The following CACNA2D3 variants were observed in gnomAD, a reference collection of about 807,000 sequenced individuals.
CACNA2D3 encodes calcium voltage-gated channel auxiliary subunit alpha2delta 3.
A neutral mutation model predicts 160.6 loss-of-function variants in CACNA2D3; 60 were observed. The observed-to-expected ratio is 0.37, with a 90% confidence interval of 0.30 to 0.46. The LOEUF is 0.46. Ranked by LOEUF, CACNA2D3 falls within the 20% of genes least tolerant of loss-of-function variation. The probability of loss-of-function intolerance (pLI) is 1.00; values close to 1 mark genes in which losing one functional copy is unlikely to be tolerated. For missense variants in CACNA2D3, 1,205 were observed against 1,365.0 expected, an observed-to-expected ratio of 0.88 and a Z score of 1.85; for synonymous variants, 558 against 492.9, an observed-to-expected ratio of 1.13 and a Z score of -1.75.
intron 14 of CACNA2D3, among the ~76,000 whole-genome samples, chr3:54,830,868 T>A (rs1225399004): frequency 6.6e-6 from 1 of 152,092 alleles, no homozygotes; most frequent in Non-Finnish European, 1.5e-5. Flanking sequence ...TAATGGCCAC[T>A]AGATGGTGGC....
At chr3:54,374,745 G>A (rs537585746) in intron 3 of CACNA2D3, among the ~76,000 whole-genome samples, 1 of 152,182 alleles carries the variant, frequency 6.6e-6, no homozygotes, top group Admixed American at 6.5e-5. Context: ...CCATCACTCT[G>A]CCTTTTCCCT....
At chr3:54,195,439 G>T (rs888600544) in intron 2 of CACNA2D3, among the ~76,000 whole-genome samples, 1 of 152,214 alleles carries the variant, frequency 6.6e-6, no homozygotes, top group African/African-American at 2.4e-5. Flanking sequence ...GAGATGCAAT[G>T]ATAGACACAA....
chr3:55,024,482 T>TTA (rs1287568092), intron 35 of CACNA2D3, among the ~76,000 whole-genome samples: 1 of 152,144 alleles, frequency 6.6e-6, no homozygotes, highest in African/African-American at 2.4e-5. Context: ...TCATGAGGTC[T>TTA]CTGCCCTTAT....
intron 11 of CACNA2D3, among the ~76,000 whole-genome samples, chr3:54,696,604 C>T (rs1253339405): frequency 6.6e-6 from 1 of 152,026 alleles, no homozygotes; most frequent in Non-Finnish European, 1.5e-5. Flanking sequence ...TGGCACAGTT[C>T]CACTGTCCCC....
intron 11 of CACNA2D3, among the ~76,000 whole-genome samples, chr3:54,659,800 T>C (rs1032218771): frequency 5.3e-5 from 8 of 152,206 alleles, no homozygotes. Flanking sequence ...TTGTCTTCTT[T>C]AGTAAACAAC....
intron 27 of CACNA2D3, among the ~76,000 whole-genome samples, chr3:54,901,883 C>T (rs749635762): frequency 3.3e-5 from 5 of 152,176 alleles, no homozygotes; most frequent in Non-Finnish European, 4.4e-5. Flanking sequence ...AGCACCCCCT[C>T]CCCAAGTTTT....
intron 11 of CACNA2D3, among the ~76,000 whole-genome samples, chr3:54,698,476 TA>T (rs1326555519): frequency 1.3e-5 from 2 of 152,200 alleles, no homozygotes; most frequent in African/African-American, 4.8e-5. Flanking sequence ...TAGGAAAACA[TA>T]AGGCGTGTTT....
chr3:54,357,829 C>T (rs900015594), intron 3 of CACNA2D3, among the ~76,000 whole-genome samples: 5 of 152,210 alleles, frequency 3.3e-5, no homozygotes, highest in Admixed American at 1.3e-4. Context: ...AGTCTACATG[C>T]TGCATGATTC....
chr3:54,130,624 T>G (rs1868512), intron 2 of CACNA2D3, among the ~76,000 whole-genome samples: 10 of 152,072 alleles, frequency 6.6e-5, no homozygotes, highest in African/African-American at 2.2e-4. Context: ...ATTGCGAAGC[T>G]GAGGCTGGCA....
intron 27 of CACNA2D3, chr3:54,924,993 A>G: frequency 1.2e-6 from 2 of 1,613,954 alleles, no homozygotes; most frequent in East Asian, 2.2e-5. Context: ...GTTTAAGGTC[A>G]TGAGCCATGG....
At chr3:54,273,914 G>C (rs1413533687) in intron 2 of CACNA2D3, among the ~76,000 whole-genome samples, 2 of 152,182 alleles carry the variant, frequency 1.3e-5, no homozygotes, top group Non-Finnish European at 2.9e-5. Context: ...TTGACATAGA[G>C]ACCCAGTAAT....
intron 4 of CACNA2D3, among the ~76,000 whole-genome samples, chr3:54,389,006 T>TA (rs140497026): frequency 0.21 from 32,594 of 151,858 alleles, 3,573 homozygotes; most frequent in Admixed American, 0.29. Flanking sequence ...ATAGATAGAT[T>TA]AAAAAATAGA....
chr3:54,553,742 T>G (rs1221872365), intron 5 of CACNA2D3, among the ~76,000 whole-genome samples: 1 of 152,124 alleles, frequency 6.6e-6, no homozygotes, highest in Non-Finnish European at 1.5e-5. Flanking sequence ...TAAATGGTAT[T>G]GGGGAAAAAA....
chr3:54,974,947 G>A (rs541379154), intron 29 of CACNA2D3, among the ~76,000 whole-genome samples: 16 of 152,220 alleles, frequency 1.1e-4, no homozygotes, highest in African/African-American at 3.6e-4. Flanking sequence ...TCCTTTTATT[G>A]GACAGGCCAT....
At chr3:54,429,837 C>T (rs9882285) in intron 4 of CACNA2D3, among the ~76,000 whole-genome samples, 1 of 151,882 alleles carries the variant, frequency 6.6e-6, no homozygotes, top group Non-Finnish European at 1.5e-5. Context: ...TTTTAAATAG[C>T]CTTCTATGGA....
At chr3:54,571,612 A>AGTGTGTGTGTGT (rs58652360) in intron 8 of CACNA2D3, among the ~76,000 whole-genome samples, 4 of 136,312 alleles carry the variant, frequency 2.9e-5, no homozygotes, top group East Asian at 2.2e-4. Context: ...CACTTAACCA[A>AGTGTGTGTGTGT]GTGTGTGTGT....
intron 4 of CACNA2D3, among the ~76,000 whole-genome samples, chr3:54,480,381 C>T (rs145971486): frequency 7.9e-5 from 12 of 152,138 alleles, no homozygotes; most frequent in Admixed American, 7.9e-4. Flanking sequence ...ATCTGCAGCC[C>T]CTCACCCTAC....
intron 9 of CACNA2D3, among the ~76,000 whole-genome samples, chr3:54,610,487 A>G (rs772836681): frequency 6.6e-6 from 1 of 151,288 alleles, no homozygotes; most frequent in Non-Finnish European, 1.5e-5. Flanking sequence ...CTCAAGACTG[A>G]TTCAGTGGGA....
intron 2 of CACNA2D3, among the ~76,000 whole-genome samples, chr3:54,305,436 A>T (rs922922506): frequency 6.6e-6 from 1 of 152,258 alleles, no homozygotes; most frequent in Non-Finnish European, 1.5e-5. Context: ...AAACTCATGC[A>T]CTATAATTTA....
Sources: allele counts gnomAD v4.1 joint callset (sites outside exome capture counted in the v4.1 genomes callset), GRCh38; gene constraint gnomAD v4.1.1; transcripts MANE v1.5; gene names NCBI Gene and HGNC (gene_info 2026-07-23, HGNC 2026-07-21).